The following INSC variants were observed in gnomAD, a reference collection of about 807,000 sequenced individuals.
INSC encodes the protein INSC spindle orientation adaptor protein.
In INSC, 67 loss-of-function variants were observed where a neutral mutation model predicts 58.6. That is an observed-to-expected ratio of 1.14 (90% confidence interval 0.94 to 1.40). INSC has a LOEUF of 1.40. Among genes scored for constraint, INSC ranks in the 40% most tolerant of loss-of-function variants. The pLI is 0.00. For synonymous variants in INSC, 262 were observed against 276.1 expected, an observed-to-expected ratio of 0.95 and a Z score of 0.51; for missense variants, 714 against 692.0, an observed-to-expected ratio of 1.03 and a Z score of -0.36.
chr11:15,229,181 T>C (rs1345754888), intron 9 of INSC, among the ~76,000 whole-genome samples: 1 of 152,178 alleles, frequency 6.6e-6, no homozygotes. Context: ...TTACTGAGTC[T>C]GACTTTTTGT....
chr11:15,149,807 T>G (rs1590363933), intron 2 of INSC, among the ~76,000 whole-genome samples: 1 of 152,126 alleles, frequency 6.6e-6, no homozygotes, highest in African/African-American at 2.4e-5. Flanking sequence ...CAGGTACAGG[T>G]TTGATGTGGC....
chr11:15,121,803 T>C (rs572675183), intron 1 of INSC, among the ~76,000 whole-genome samples: 1 of 152,244 alleles, frequency 6.6e-6, no homozygotes, highest in South Asian at 2.1e-4. Context: ...ATTCAATGGG[T>C]TATAGTCAAT....
intron 7 of INSC, among the ~76,000 whole-genome samples, chr11:15,208,589 C>G (rs1850899574): frequency 6.6e-6 from 1 of 152,224 alleles, no homozygotes; most frequent in African/African-American, 2.4e-5. Context: ...CCCACCTGCC[C>G]TCTCCCCTTC....
chr11:15,256,486 A>G, the INSC span, among the ~76,000 whole-genome samples: 1 of 128,292 alleles, frequency 7.8e-6, no homozygotes, highest in Admixed American at 7.7e-5. Context: ...AGAAAATTTC[A>G]TTTCATTTTT....
chr11:15,150,586 C>T (rs113520503), intron 2 of INSC, among the ~76,000 whole-genome samples: 11 of 152,062 alleles, frequency 7.2e-5, no homozygotes, highest in Non-Finnish European at 1.6e-4. Context: ...TATTTGAGAC[C>T]CTTGTGAATA....
At chr11:15,185,594 G>T (rs535706702) in intron 5 of INSC, among the ~76,000 whole-genome samples, 1 of 151,772 alleles carries the variant, frequency 6.6e-6, no homozygotes, top group South Asian at 2.1e-4. Context: ...GTGTGATAAG[G>T]GTGATCAATA....
intron 1 of INSC, among the ~76,000 whole-genome samples, chr11:15,139,100 A>T (rs1307548528): frequency 6.6e-6 from 1 of 152,138 alleles, no homozygotes; most frequent in East Asian, 1.9e-4. Context: ...CTCCTATGTC[A>T]TTTTCCCAAG....
upstream of INSC, among the ~76,000 whole-genome samples, chr11:15,114,349 G>A (rs1434399390): frequency 6.6e-6 from 1 of 152,128 alleles, no homozygotes; most frequent in Admixed American, 6.5e-5. Flanking sequence ...GATGTGGAGG[G>A]TGACTTAGGT....
At chr11:15,215,732 C>T (rs1297559315) in intron 7 of INSC, among the ~76,000 whole-genome samples, 3 of 152,108 alleles carry the variant, frequency 2.0e-5, no homozygotes, top group Non-Finnish European at 4.4e-5. Context: ...GGGGAATGTG[C>T]ATGTTACCAG....
chr11:15,112,598 G>C (rs1285531002), upstream of INSC: 8 of 451,072 alleles, frequency 1.8e-5, no homozygotes, highest in Non-Finnish European at 1.8e-5. Flanking sequence ...GTGAGTGTGT[G>C]TGTGTGTGTG....
At position 15,191,073 on chromosome 11, in the gene INSC, C is replaced by T. The variant is rs566270066; in HGVS notation, c.693+259C>T. ...TCGGCTCACTGCAAGCTCTGCCTCC[C>T]GGGTTCACGCCATTCTCCTGCCTCA... is the stretch of plus-strand genomic sequence containing the variant. On this transcript the variant is annotated intron_variant, in intron 6 of 12. Coordinates refer to ENST00000379556, the MANE Select transcript of INSC (RefSeq NM_001042536.3). Among the ~76,000 whole-genome samples, 605 of 151,552 alleles carry T rather than the reference C, an allele frequency of 4.0e-3. 2 individuals are homozygous for T. Among genetic ancestry groups the T allele is most frequent in the African/African-American group, 0.014 (572 of 41,230 alleles).
intron 11 of INSC, among the ~76,000 whole-genome samples, chr11:15,240,145 A>G (rs2271830): frequency 0.47 from 71,141 of 151,848 alleles, 17,425 homozygotes; most frequent in East Asian, 0.75. Context: ...TTTTAGCCAC[A>G]GTATATTTTC....
At chr11:15,240,627 A>G (rs1388333964) in intron 12 of INSC, 104 bp downstream of exon 12, 2 of 821,380 alleles carry the variant, frequency 2.4e-6, no homozygotes, top group Non-Finnish European at 4.2e-6. Flanking sequence ...AAGCCATAAA[A>G]CCTCTCTGGG....
intron 5 of INSC, among the ~76,000 whole-genome samples, 185 bp from the exon 6 acceptor site, chr11:15,190,516 C>G (rs1172346007): frequency 6.6e-6 from 1 of 152,152 alleles, no homozygotes; most frequent in Non-Finnish European, 1.5e-5. Flanking sequence ...GTAGCTTAGA[C>G]CTCACCCTGA....
chr11:15,200,188 CACA>C (rs869063063), intron 6 of INSC, among the ~76,000 whole-genome samples: 13 of 146,844 alleles, frequency 8.9e-5, no homozygotes, highest in Non-Finnish European at 1.7e-4. Context: ...CACACACACA[CACA>C]AACAGGAGTA....
chr11:15,247,733 G>GTATATATATATATATATGTATATA (rs1852605183), downstream of INSC, among the ~76,000 whole-genome samples: 1 of 127,458 alleles, frequency 7.8e-6, no homozygotes, highest in African/African-American at 2.9e-5. Flanking sequence ...TAGAAATAAG[G>GTATATATATATATATATGTATATA]TATATATATA....
At chr11:15,161,258 C>A (rs1475570331) in intron 2 of INSC, among the ~76,000 whole-genome samples, 1 of 152,170 alleles carries the variant, frequency 6.6e-6, no homozygotes, top group Admixed American at 6.5e-5. Flanking sequence ...TTGCCTCCCC[C>A]AGGACCCCTG....
intron 2 of INSC, among the ~76,000 whole-genome samples, chr11:15,171,991 A>G (rs1270737891): frequency 1.3e-5 from 2 of 152,208 alleles, no homozygotes; most frequent in East Asian, 3.9e-4. Context: ...TGGCCAGGGG[A>G]TCACCCCTGT....
chr11:15,250,392 A>G (rs956901931), downstream of INSC, among the ~76,000 whole-genome samples: 1 of 152,228 alleles, frequency 6.6e-6, no homozygotes, highest in Admixed American at 6.5e-5. Context: ...AGTAAACTAT[A>G]AAGTTCTGTG....
Sources: gnomAD v4.1 joint callset for allele counts (sites outside exome capture counted in the v4.1 genomes callset) on GRCh38, gnomAD v4.1.1 for gene constraint, MANE v1.5 for transcripts, NCBI Gene and HGNC (gene_info 2026-07-23, HGNC 2026-07-21) for gene names.